DDX17: variants seen among roughly 807,000 people sequenced by gnomAD.
DDX17 encodes the protein probable ATP-dependent RNA helicase DDX17.
In DDX17, 10 loss-of-function variants were observed where a neutral mutation model predicts 80.8. That is an observed-to-expected ratio of 0.12 (90% CI 0.08 to 0.21). DDX17 has a LOEUF of 0.21. Ranked by LOEUF, DDX17 falls within the 10% of genes least tolerant of loss-of-function variation. The pLI, the probability that DDX17 is intolerant of heterozygous loss-of-function variation, is 1.00. For synonymous variants in DDX17, 339 were observed against 336.2 expected, an observed-to-expected ratio of 1.01 and a Z score of -0.09; for missense variants, 586 against 957.4, an observed-to-expected ratio of 0.61 and a Z score of 5.12.
intron 10 of DDX17, chr22:38,493,471 G>T (rs2145695290): frequency 2.2e-6 from 1 of 457,884 alleles, no homozygotes; most frequent in Non-Finnish European, 3.9e-6. Context: ...ATAGGCATGA[G>T]CCACCAACGG....
At position 38,483,921 on chromosome 22, in the gene DDX17, GTTATT is replaced by G. The variant is rs2089627659; in HGVS notation, c.*2009_*2013del. 6.6e-6 allele frequency: 1 copy of G among 152,194 alleles called. No individual in the cohort carries two copies. The highest frequency in any genetic ancestry group is 6.5e-5 in the Admixed American group (1 of 15,270). 9.4% of individuals were successfully genotyped at this position (152,194 alleles called of 1,614,324 possible). A position where few individuals can be genotyped will look rare whatever the true frequency, so the allele number is the denominator to read the frequency against. On this transcript the variant is annotated 3_prime_UTR_variant, in exon 13 of 13. Transcript: ENST00000403230. ...TAGTTTTTGAGGTTTGGAATTTACTGTTATTTTATGATTACAATGTCCCAGGTGGA... is the reference window on the plus strand; with the variant it reads ...TAGTTTTTGAGGTTTGGAATTTACTGTTATGATTACAATGTCCCAGGTGGA...
intron 11 of DDX17, chr22:38,488,693 T>C: frequency 1.0e-6 from 1 of 988,088 alleles, no homozygotes; most frequent in Non-Finnish European, 1.2e-6. Flanking sequence ...TCTTATCTTT[T>C]TAAGAAACTG....
In DDX17 at chr22:38,498,164, AAAG is replaced by A; in HGVS notation, c.673-17_673-15del. The A allele has an allele frequency of 6.2e-7, 1 of 1,612,588 alleles. No individual in the cohort carries two copies. Among genetic ancestry groups the A allele is most frequent in the Non-Finnish European group, 8.5e-7 (1 of 1,178,898 alleles). On this transcript the variant is annotated splice_polypyrimidine_tract_variant and intron_variant, in intron 4 of 12. Transcript: ENST00000403230. The stretch of plus-strand genomic sequence containing the variant: ...AGGCAGGAGATACTGTGGAGGGGGG[AAAG>A]AATGACAACCTTACGCTTAGAAGTA...
chr22:38,498,409 A>G (rs1268074651), intron 4 of DDX17, 31 bp downstream of exon 4: 2 of 1,612,208 alleles, frequency 1.2e-6, no homozygotes, highest in Non-Finnish European at 1.7e-6. Flanking sequence ...AGTTACCACA[A>G]TATCAAGGAT....
chr22:38,486,658 T>C (rs932015425), intron 12 of DDX17, among the ~76,000 whole-genome samples: 3 of 152,176 alleles, frequency 2.0e-5, no homozygotes, highest in African/African-American at 7.2e-5. Context: ...ACTAGACCTT[T>C]TCACCCTTTT....
At chr22:38,488,372 T>C (rs748971487) in intron 11 of DDX17, 1 of 1,355,116 alleles carries the variant, frequency 7.4e-7, no homozygotes, top group South Asian at 1.6e-5. Context: ...CATCCAAACA[T>C]CCAAACTCCT....
At chr22:38,491,856 G>T (rs974506663) in intron 11 of DDX17, 200 bp downstream of exon 11, 4 of 459,902 alleles carry the variant, frequency 8.7e-6, no homozygotes, top group Non-Finnish European at 7.5e-6. Context: ...AATAAAAGGG[G>T]GGTGGGGGAA....
At chr22:38,496,117 T>A (rs935836680) in intron 5 of DDX17, among the ~76,000 whole-genome samples, 180 bp from the exon 6 acceptor site, 3 of 151,896 alleles carry the variant, frequency 2.0e-5, no homozygotes, top group Admixed American at 2.0e-4. Context: ...TAGAAAAAAA[T>A]TATTAGAACT....
rs182156060 is a variant in DDX17 at position 38,498,762 on chromosome 22, C to T, written c.539-189G>A. On this transcript the variant is annotated intron_variant, in intron 3 of 12. Coordinates refer to ENST00000403230, the MANE Select transcript of DDX17 (RefSeq NM_006386.5). ...TCTAAGGGCCAGGCTAGGTGGCTCACGCCTGTAATCCCATCACTTTGGGAG... is the reference window on the plus strand; with the variant it reads ...TCTAAGGGCCAGGCTAGGTGGCTCATGCCTGTAATCCCATCACTTTGGGAG... Among the ~76,000 whole-genome samples the T allele has an allele frequency of 2.5e-3, 385 of 152,286 alleles. 1 individual carries two copies. The highest frequency in any genetic ancestry group is 4.1e-3 in the Non-Finnish European group (279 of 68,028).
At position 38,486,272 on chromosome 22, in the gene DDX17, C is replaced by A. The variant is rs532376168; in HGVS notation, c.1853G>T (p.Gly618Val). ...AAAGGCAGAATTTGGACTTCCATAG[C>A]CACTGCCATTAGCATAACCAGCTCT... is the stretch of plus-strand genomic sequence containing the variant. The change falls in exon 13 of 13, where the codon GGC becomes GTC. Residue 618 changes from glycine (G) to valine (V), a missense_variant. Gly to Val is a moderately radical substitution (Grantham distance 109). This residue lies in a region of DDX17 where 221 missense variants were observed against 261.4 expected (regional missense o/e 0.85). Transcript: ENST00000403230. The A allele has an allele frequency of 2.7e-5, 43 of 1,614,078 alleles. No homozygotes were observed. Among genetic ancestry groups the A allele is most frequent in the Non-Finnish European group, 3.5e-5 (41 of 1,180,044 alleles).
intron 5 of DDX17, among the ~76,000 whole-genome samples, chr22:38,497,461 T>C (rs886163550): frequency 6.8e-6 from 1 of 147,070 alleles, no homozygotes. Context: ...CTACTAAAAA[T>C]ACAAACATTA....
rs898760768 is a variant in DDX17, at chr22:38,483,519, A to G, written c.*2416T>C. On this transcript the variant is annotated 3_prime_UTR_variant, in exon 13 of 13. Coordinates refer to ENST00000403230, the MANE Select transcript of DDX17 (RefSeq NM_006386.5). ...CAAAAGGACAATTTACAAACTAAGA[A>G]TAGTAACATAGCTTTCAGCATCCTG... The G allele has an allele frequency of 3.9e-5, 6 of 152,670 alleles. No homozygotes were observed. Among genetic ancestry groups the G allele is most frequent in the Non-Finnish European group, 7.3e-5 (5 of 68,048 alleles). The allele number at this position is 152,670 out of a possible 1,614,324, so 9.5% of individuals were successfully genotyped here.
chr22:38,491,320 T>C (rs1452438984), intron 11 of DDX17: 2 of 152,226 alleles, frequency 1.3e-5, no homozygotes, highest in Non-Finnish European at 2.9e-5. Context: ...GATTTCCTTG[T>C]AATACAAATA....
intron 11 of DDX17, chr22:38,488,757 G>T: frequency 1.0e-6 from 1 of 985,720 alleles, no homozygotes; most frequent in Non-Finnish European, 1.2e-6. Flanking sequence ...GAAACATCCA[G>T]ATTATCTATC....
intron 1 of DDX17, among the ~76,000 whole-genome samples, chr22:38,502,499 C>G (rs1044554053): frequency 6.6e-6 from 1 of 151,638 alleles, no homozygotes; most frequent in Non-Finnish European, 1.5e-5. Flanking sequence ...CTTCTTGTTC[C>G]CAAATGGTAT....
At chr22:38,496,874 T>C (rs981692017) in intron 5 of DDX17, among the ~76,000 whole-genome samples, 3 of 152,232 alleles carry the variant, frequency 2.0e-5, no homozygotes, top group African/African-American at 7.2e-5. Flanking sequence ...ATCCATTAGA[T>C]ATCAACTAAT....
Position 38,485,676 on chromosome 22 carries a change from C to CTA in DDX17, c.*257_*258dup, listed in dbSNP as rs34173681. On this transcript the variant is annotated 3_prime_UTR_variant, in exon 13 of 13. Coordinates refer to ENST00000403230, the MANE Select transcript of DDX17 (RefSeq NM_006386.5). ...GAAGAAATTAATCTCTTCCAGTCAG[C>CTA]TATATATATATATATATATTTTTTT... The CTA allele has an allele frequency of 1.9e-4, 29 of 154,322 alleles. No homozygotes were observed. The highest frequency in any genetic ancestry group is 1.3e-3 in the Admixed American group (20 of 15,276). 9.6% of individuals were successfully genotyped at this position (154,322 alleles called of 1,614,324 possible). A position where few individuals can be genotyped will look rare whatever the true frequency, so the allele number is the denominator to read the frequency against.
chr22:38,486,074 C>A lies in DDX17; in HGVS notation c.2051G>T (p.Arg684Leu), dbSNP rs1246635514. 6.2e-7 allele frequency: 1 copy of A among 1,614,012 alleles called. No homozygotes were observed. Among genetic ancestry groups the A allele is most frequent in the Admixed American group, 1.7e-5 (1 of 60,002 alleles). ...CAGTGGCTGTGGCTGCTGCCCAGAC[C>A]GGCCTATCCCACTAAACTGCTGGCT... The change falls in exon 13 of 13, where the codon CGG becomes CTG. Residue 684 changes from arginine (R) to leucine (L), a missense_variant. Physicochemically the swap from Arg to Leu is moderately radical, Grantham distance 102. Around this residue, in one of 4 missense-constraint regions of DDX17, gnomAD observed 221 missense variants for 261.4 expected, o/e 0.85. Transcript: ENST00000403230.
At chr22:38,504,043 G>A (rs1008655192) in intron 1 of DDX17, among the ~76,000 whole-genome samples, 2 of 152,142 alleles carry the variant, frequency 1.3e-5, no homozygotes, top group Non-Finnish European at 2.9e-5. Context: ...ATGGTGAAAG[G>A]AAATATTAAA....
Sources: gnomAD v4.1 joint callset for allele counts (sites outside exome capture counted in the v4.1 genomes callset) on GRCh38, gnomAD v4.1.1 for gene constraint, gnomAD v4.1.1 regional missense constraint, MANE v1.5 for transcripts, NCBI Gene and HGNC (gene_info 2026-07-23, HGNC 2026-07-21) for gene names.